TBC1D32: variants seen among roughly 807,000 people sequenced by gnomAD.
The protein encoded by TBC1D32 is TBC1 domain family member 32, also known as protein broad-minded.
Under a neutral mutation model 170.3 loss-of-function variants are expected in TBC1D32, and 151 were observed. The observed-to-expected ratio is 0.89, with a 90% confidence interval of 0.78 to 1.01. The LOEUF is 1.01. Among genes scored for constraint, TBC1D32 ranks in the 50% least tolerant of loss-of-function variants. TBC1D32 has a pLI of 0.00. For missense variants in TBC1D32, 1,464 were observed against 1,457.1 expected (o/e 1.00, Z -0.08); for synonymous variants, 498 against 488.0 (o/e 1.02, Z -0.27).
chr6:121,173,920 T>A (rs201338818), intron 22 of TBC1D32, among the ~76,000 whole-genome samples: 33 of 147,604 alleles, frequency 2.2e-4, no homozygotes, highest in Non-Finnish European at 3.0e-4. Flanking sequence ...TAAGAAAAAA[T>A]AAAAAAAAAA....
intron 20 of TBC1D32, among the ~76,000 whole-genome samples, chr6:121,232,781 G>A (rs966223630): frequency 1.3e-5 from 2 of 151,750 alleles, no homozygotes; most frequent in African/African-American, 4.8e-5. Context: ...GATTATTCTT[G>A]TTTCTCTAGT....
chr6:121,084,382 A>C (rs1240765301), intron 31 of TBC1D32, among the ~76,000 whole-genome samples: 1 of 152,128 alleles, frequency 6.6e-6, no homozygotes, highest in Non-Finnish European at 1.5e-5. Context: ...AGATATTCAT[A>C]GTGGTCATAA....
intron 21 of TBC1D32, among the ~76,000 whole-genome samples, chr6:121,214,623 G>A (rs1182221343): frequency 5.3e-5 from 8 of 152,116 alleles, no homozygotes; most frequent in Admixed American, 5.2e-4. Context: ...GAGATGCCAG[G>A]AACCACAGAG....
chr6:121,219,701 T>C (rs915191276), intron 21 of TBC1D32, among the ~76,000 whole-genome samples: 1 of 152,256 alleles, frequency 6.6e-6, no homozygotes, highest in Non-Finnish European at 1.5e-5. Context: ...TACCTTGTTT[T>C]ATTGCATGTC....
rs201842248 is a variant in TBC1D32, at chr6:121,080,713, C to A, written c.*58G>T. ...GTTACAGACACAGAAAAACATCAAG[C>A]CCCCCTGCTGTGTTTAAAAATAAAT... On this transcript the variant is annotated 3_prime_UTR_variant, in exon 32 of 32. Transcript: ENST00000398212. 1.3e-6 allele frequency: 2 copies of A among 1,531,076 alleles called. No individual in the cohort carries two copies. The highest frequency in any genetic ancestry group is 1.8e-6 in the Non-Finnish European group (2 of 1,140,376). 94.8% of individuals were successfully genotyped at this position (1,531,076 alleles called of 1,614,324 possible).
intron 26 of TBC1D32, among the ~76,000 whole-genome samples, chr6:121,125,371 T>C (rs1780712142): frequency 6.6e-6 from 1 of 151,970 alleles, no homozygotes; most frequent in Admixed American, 6.6e-5. Flanking sequence ...GGAATCAGAG[T>C]CCAGATGACT....
At chr6:121,332,590 G>A (rs937063914) in intron 1 of TBC1D32, among the ~76,000 whole-genome samples, 23 of 152,198 alleles carry the variant, frequency 1.5e-4, no homozygotes, top group African/African-American at 5.5e-4. Flanking sequence ...AACTTACTCA[G>A]TAATTTACAG....
At chr6:121,228,089 T>C (rs1795282358) in intron 20 of TBC1D32, among the ~76,000 whole-genome samples, 1 of 152,146 alleles carries the variant, frequency 6.6e-6, no homozygotes, top group Non-Finnish European at 1.5e-5. Context: ...TATTCACTTA[T>C]TATCCTTTAA....
intron 11 of TBC1D32, among the ~76,000 whole-genome samples, chr6:121,293,348 C>A (rs1229897928): frequency 6.6e-6 from 1 of 152,110 alleles, no homozygotes; most frequent in Non-Finnish European, 1.5e-5. Flanking sequence ...AACTTCTACA[C>A]TTTCTCCTCC....
chr6:121,270,870 C>T (rs1443568909), intron 15 of TBC1D32, among the ~76,000 whole-genome samples: 1 of 152,128 alleles, frequency 6.6e-6, no homozygotes, highest in Non-Finnish European at 1.5e-5. Context: ...CAATAAAATA[C>T]TGGCAAACCG....
intron 26 of TBC1D32, among the ~76,000 whole-genome samples, chr6:121,120,103 C>G (rs555522688): frequency 6.6e-6 from 1 of 152,188 alleles, no homozygotes; most frequent in South Asian, 2.1e-4. Flanking sequence ...AAACAATGTA[C>G]TAGCAACAAG....
intron 24 of TBC1D32, among the ~76,000 whole-genome samples, chr6:121,156,814 G>C (rs1232542237): frequency 6.6e-6 from 1 of 152,032 alleles, no homozygotes; most frequent in Non-Finnish European, 1.5e-5. Context: ...CCATGTTTTT[G>C]TGTAGTTTTG....
intron 21 of TBC1D32, among the ~76,000 whole-genome samples, chr6:121,221,487 C>A (rs1794515553): frequency 6.6e-6 from 1 of 152,182 alleles, no homozygotes; most frequent in East Asian, 1.9e-4. Flanking sequence ...TCTGACAGAT[C>A]TGGGCAAAGT....
intron 26 of TBC1D32, among the ~76,000 whole-genome samples, chr6:121,118,308 G>A (rs911501049): frequency 6.6e-6 from 1 of 152,254 alleles, no homozygotes; most frequent in East Asian, 1.9e-4. Context: ...GTATGATGCT[G>A]TACATGCTAA....
At chr6:121,085,252 T>TATACACAC (rs1329236796) in intron 31 of TBC1D32, among the ~76,000 whole-genome samples, 1 of 140,912 alleles carries the variant, frequency 7.1e-6, no homozygotes, top group African/African-American at 2.9e-5. Flanking sequence ...CATACGTATA[T>TATACACAC]ATATACACAT....
intron 20 of TBC1D32, among the ~76,000 whole-genome samples, chr6:121,225,426 A>T (rs1211428418): frequency 6.6e-6 from 1 of 152,006 alleles, no homozygotes; most frequent in Non-Finnish European, 1.5e-5. Context: ...TTTCTACCAT[A>T]ATCATAAAAG....
chr6:121,084,362 T>C (rs78078769), intron 31 of TBC1D32, among the ~76,000 whole-genome samples: 488 of 152,218 alleles, frequency 3.2e-3, no homozygotes, highest in African/African-American at 0.011. Flanking sequence ...TGGCATACAA[T>C]AAGCACTCAA....
chr6:121,213,115 A>T (rs1223954656), intron 21 of TBC1D32, among the ~76,000 whole-genome samples: 1 of 152,168 alleles, frequency 6.6e-6, no homozygotes, highest in Non-Finnish European at 1.5e-5. Context: ...CAAAAGCAGG[A>T]AACATTTTCC....
intron 13 of TBC1D32, among the ~76,000 whole-genome samples, chr6:121,283,469 T>C (rs541221000): frequency 6.6e-6 from 1 of 151,580 alleles, no homozygotes; most frequent in African/African-American, 2.4e-5. Context: ...TTAGAAAGTA[T>C]AAAGAATGGA....
Sources: gnomAD v4.1 joint callset for allele counts (sites outside exome capture counted in the v4.1 genomes callset) on GRCh38, gnomAD v4.1.1 for gene constraint, MANE v1.5 for transcripts, NCBI Gene and HGNC (gene_info 2026-07-23, HGNC 2026-07-21) for gene names.